The following CFAP74 variants were observed in gnomAD, a reference collection of about 807,000 sequenced individuals.
CFAP74 encodes cilia- and flagella-associated protein 74.
A neutral mutation model predicts 188.9 loss-of-function variants in CFAP74; 124 were observed. The observed-to-expected ratio is 0.66, with a 90% CI of 0.57 to 0.76. The LOEUF (loss-of-function observed/expected upper bound fraction) is 0.76. Among genes scored for constraint, CFAP74 ranks in the 30% least tolerant of loss-of-function variants. The probability of loss-of-function intolerance (pLI) is 0.00; values close to 1 mark genes in which losing one functional copy is unlikely to be tolerated. For missense variants in CFAP74, 2,198 were observed against 2,165.2 expected (o/e 1.02, Z -0.30); for synonymous variants, 956 against 916.7 (o/e 1.04, Z -0.77).
intron 23 of CFAP74, 137 bp downstream of exon 23, chr1:1,940,179 C>A: frequency 1.4e-6 from 1 of 699,500 alleles, no homozygotes; most frequent in Non-Finnish European, 2.4e-6. Context: ...GCCCCTCTGG[C>A]CGCTAGACGC....
chr1:1,968,332 C>T lies in CFAP74; in HGVS notation c.1245+303G>A, dbSNP rs1182768123. Reference sequence around the variant, plus strand: ...ACAGGGCCAGGCAAGGTGGTCCCAGCCTGGTGGGCAGCAACACTGCTGGGG... The same window carrying T: ...ACAGGGCCAGGCAAGGTGGTCCCAGTCTGGTGGGCAGCAACACTGCTGGGG... On this transcript the variant is annotated intron_variant, in intron 11 of 38. Coordinates refer to ENST00000682832, the MANE Select transcript of CFAP74 (RefSeq NM_001304360.2). The surrounding 1 kb of genome is among the most constrained non-coding windows in gnomAD (Gnocchi z 4.3). Among the ~76,000 whole-genome samples, 1 of 152,134 alleles carries T rather than the reference C, an allele frequency of 6.6e-6. No individual in the cohort carries two copies. The highest frequency in any genetic ancestry group is 1.5e-5 in the Non-Finnish European group (1 of 67,992).
rs1261175236 is a variant in CFAP74, at chr1:1,942,074, T to G, written c.2569A>C (p.Ile857Leu). ...HLELLPKTGY[I>L]QAQSSYSVQL... ...ACGGAGTAGGACGACTGTGCCTGGA[T>G]ATAGCCTGTCTTGGGCAGGAGCTCC... Residue 857 changes from isoleucine (I) to leucine (L), a missense_variant, in exon 22 of 39, where the codon ATC becomes CTC. Physicochemically the swap from Ile to Leu is conservative, Grantham distance 5. Coordinates refer to ENST00000682832, the MANE Select transcript of CFAP74 (RefSeq NM_001304360.2). The surrounding 1 kb of genome is among the most constrained non-coding windows in gnomAD (Gnocchi z 4.3). 1 of 1,532,798 alleles carries G rather than the reference T, an allele frequency of 6.5e-7. No homozygotes were observed. Among genetic ancestry groups the G allele is most frequent in the African/African-American group, 1.4e-5 (1 of 73,034 alleles). The allele number at this position is 1,532,798 out of a possible 1,614,324, so 94.9% of individuals were successfully genotyped here. A position where few individuals can be genotyped will look rare whatever the true frequency, so the allele number is the denominator to read the frequency against.
At chr1:1,979,415 C>G (rs112549317) in intron 6 of CFAP74, among the ~76,000 whole-genome samples, 1 of 135,984 alleles carries the variant, frequency 7.4e-6, no homozygotes, top group Non-Finnish European at 1.6e-5. Flanking sequence ...GTGCAGAACA[C>G]GCGTGTGGTA....
intron 6 of CFAP74, among the ~76,000 whole-genome samples, chr1:1,976,196 C>A (rs1300076272): frequency 1.3e-5 from 2 of 152,236 alleles, no homozygotes; most frequent in Non-Finnish European, 2.9e-5. Context: ...GCCGTCACCT[C>A]CAGGGCGGAT....
intron 6 of CFAP74, among the ~76,000 whole-genome samples, chr1:1,976,128 C>T (rs182156467): frequency 8.5e-5 from 13 of 152,332 alleles, no homozygotes; most frequent in African/African-American, 1.2e-4. Context: ...AGGCACTAAT[C>T]GCCCCCACGA....
chr1:1,985,301 G>T, intron 6 of CFAP74, 85 bp downstream of exon 6: 2 of 1,194,816 alleles, frequency 1.7e-6, no homozygotes, highest in South Asian at 1.2e-5. Flanking sequence ...AAACCCCCCA[G>T]ATCTTGCTCT....
chr1:1,963,306 C>T (rs28592733), intron 14 of CFAP74, among the ~76,000 whole-genome samples: 9,437 of 151,850 alleles, frequency 0.062, 399 homozygotes, highest in South Asian at 0.17. Flanking sequence ...TAAAAATTAG[C>T]CAGGCGTAGT....
At chr1:1,989,031 G>T in intron 2 of CFAP74, 58 bp from the exon 3 acceptor site, 1 of 879,154 alleles carries the variant, frequency 1.1e-6, no homozygotes, top group Non-Finnish European at 1.8e-6. Context: ...ATTTGCATCT[G>T]AAGTTTTAGG....
intron 27 of CFAP74, 25 bp downstream of exon 27, chr1:1,928,759 C>T: frequency 1.3e-6 from 2 of 1,515,166 alleles, no homozygotes; most frequent in Non-Finnish European, 1.8e-6. Flanking sequence ...CCGACCTACG[C>T]CCCTCCTTCC....
At chr1:1,972,327 G>T (rs1656145964) in intron 8 of CFAP74, among the ~76,000 whole-genome samples, 1 of 152,248 alleles carries the variant, frequency 6.6e-6, no homozygotes, top group South Asian at 2.1e-4. Flanking sequence ...TTTCCACCAG[G>T]AATGTGATTA....
intron 6 of CFAP74, among the ~76,000 whole-genome samples, chr1:1,982,076 C>CAG (rs1446576140): frequency 1.5e-5 from 1 of 67,886 alleles, no homozygotes; most frequent in Admixed American, 1.4e-4. Context: ...GCCGTGGTCA[C>CAG]ATGCGGGGAC....
chr1:1,940,541 C>A, intron 22 of CFAP74, 138 bp from the exon 23 acceptor site: 1 of 611,196 alleles, frequency 1.6e-6, no homozygotes. Context: ...AGACGCATCG[C>A]GCCGCCCTCC....
At chr1:2,000,312 C>G (rs974801902) in intron 1 of CFAP74, among the ~76,000 whole-genome samples, 1 of 152,250 alleles carries the variant, frequency 6.6e-6, no homozygotes, top group Admixed American at 6.5e-5. Context: ...TCAACAGGCA[C>G]TTCACAGTTA....
At chr1:1,929,805 G>C (rs1184677266) in intron 26 of CFAP74, among the ~76,000 whole-genome samples, 2 of 152,052 alleles carry the variant, frequency 1.3e-5, no homozygotes, top group Non-Finnish European at 2.9e-5. Context: ...AGCCTGGGGA[G>C]CTCCTGCCTC....
chr1:1,993,187 G>A (rs183480163), intron 1 of CFAP74, among the ~76,000 whole-genome samples: 5,164 of 130,832 alleles, frequency 0.039, 338 homozygotes, highest in African/African-American at 0.13. Context: ...GGCGACAGGG[G>A]AAGACTGTCT....
chr1:1,990,418 G>A (rs1277294172), intron 2 of CFAP74, among the ~76,000 whole-genome samples: 2 of 136,790 alleles, frequency 1.5e-5, no homozygotes, highest in African/African-American at 5.3e-5. Context: ...GCCACACAGC[G>A]CCAGGAGCTG....
At chr1:1,935,174 C>G (rs35531706) in intron 25 of CFAP74, among the ~76,000 whole-genome samples, 39,380 of 59,966 alleles carry the variant, frequency 0.66, 16,949 homozygotes, top group African/African-American at 0.85. Context: ...CACGTGTGTA[C>G]GTGGGTGTTA....
chr1:1,999,679 C>T (rs1251942487), intron 1 of CFAP74, among the ~76,000 whole-genome samples: 2 of 151,360 alleles, frequency 1.3e-5, no homozygotes, highest in Admixed American at 6.6e-5. Context: ...TAGCCAGGCG[C>T]GGTGGCGTGC....
intron 1 of CFAP74, among the ~76,000 whole-genome samples, chr1:1,993,874 C>G (rs894985959): frequency 1.0e-4 from 15 of 150,680 alleles, no homozygotes; most frequent in African/African-American, 3.4e-4. Context: ...CCCAGCTACT[C>G]GGGAGGCTGA....
Sources: allele counts gnomAD v4.1 joint callset (sites outside exome capture counted in the v4.1 genomes callset), GRCh38; gene constraint gnomAD v4.1.1; non-coding constraint Gnocchi (gnomAD v3.1); transcripts MANE v1.5; gene names NCBI Gene and HGNC (gene_info 2026-07-23, HGNC 2026-07-21).